Variants in ARL15 observed in about 807,000 individuals in gnomAD.
The protein encoded by ARL15 is ARF like GTPase 15.
ARL15 carries 19 observed loss-of-function variants against 25.2 expected under a neutral mutation model. The ratio of observed to expected loss-of-function variants is 0.75; its 90% CI spans 0.53 to 1.10. The LOEUF is 1.10. Ranked by LOEUF, ARL15 falls within the 50% of genes least tolerant of loss-of-function variation. ARL15 has a pLI of 0.00. For synonymous variants in ARL15, 94 were observed against 86.8 expected, an observed-to-expected ratio of 1.08 and a Z score of -0.46; for missense variants, 220 against 246.0, an observed-to-expected ratio of 0.89 and a Z score of 0.71.
intron 4 of ARL15, among the ~76,000 whole-genome samples, chr5:53,989,568 C>G (rs1442811176): frequency 2.4e-5 from 3 of 123,856 alleles, no homozygotes; most frequent in Non-Finnish European, 5.2e-5. Context: ...AAACCCTTAC[C>G]AGGGAGGGGT....
intron 1 of ARL15, among the ~76,000 whole-genome samples, chr5:54,231,451 T>G (rs1756668542): frequency 6.6e-6 from 1 of 152,140 alleles, no homozygotes; most frequent in Non-Finnish European, 1.5e-5. Context: ...CACTTCACCT[T>G]GAATAATCTT....
intron 1 of ARL15, among the ~76,000 whole-genome samples, chr5:54,278,714 C>T (rs1225882328): frequency 6.6e-6 from 1 of 152,152 alleles, no homozygotes; most frequent in East Asian, 1.9e-4. Flanking sequence ...TCTACCTATA[C>T]CTTAAGTTTC....
At chr5:54,150,493 C>T (rs755818613) in intron 3 of ARL15, among the ~76,000 whole-genome samples, 2 of 152,108 alleles carry the variant, frequency 1.3e-5, no homozygotes, top group Non-Finnish European at 2.9e-5. Flanking sequence ...GCAAGGTATT[C>T]ATGTTTTGTC....
intron 1 of ARL15, among the ~76,000 whole-genome samples, chr5:54,209,991 GA>G (rs1405488951): frequency 6.6e-6 from 1 of 152,068 alleles, no homozygotes; most frequent in Non-Finnish European, 1.5e-5. Context: ...GGAGTTCTTT[GA>G]AAAAGGAAGA....
chr5:54,018,781 T>G (rs1344148798), intron 4 of ARL15, among the ~76,000 whole-genome samples: 3 of 152,206 alleles, frequency 2.0e-5, no homozygotes, highest in Non-Finnish European at 4.4e-5. Flanking sequence ...CCTTCACAGC[T>G]AAACAAACCG....
chr5:54,287,490 G>C (rs16882585), intron 1 of ARL15, among the ~76,000 whole-genome samples: 2 of 150,466 alleles, frequency 1.3e-5, no homozygotes, highest in Non-Finnish European at 3.0e-5. Flanking sequence ...AGAAGAAAAC[G>C]GCATTCCAGA....
intron 4 of ARL15, among the ~76,000 whole-genome samples, chr5:53,892,677 A>T (rs1744758590): frequency 6.6e-6 from 1 of 151,038 alleles, no homozygotes; most frequent in Admixed American, 6.6e-5. Context: ...ATCATAGCTC[A>T]CTTCAGCCTT....
intron 1 of ARL15, among the ~76,000 whole-genome samples, chr5:54,222,672 C>T (rs944927281): frequency 3.3e-5 from 5 of 152,150 alleles, no homozygotes; most frequent in Admixed American, 3.3e-4. Context: ...ATTCCACTCT[C>T]GGGTTCTCTT....
chr5:54,046,087 A>G (rs971742400), intron 4 of ARL15, among the ~76,000 whole-genome samples: 3 of 152,254 alleles, frequency 2.0e-5, no homozygotes, highest in African/African-American at 7.2e-5. Flanking sequence ...ACTAAATTAT[A>G]TATTCTTATT....
intron 2 of ARL15, among the ~76,000 whole-genome samples, chr5:54,170,986 C>T (rs1419332323): frequency 1.3e-5 from 2 of 152,310 alleles, no homozygotes; most frequent in African/African-American, 4.8e-5. Flanking sequence ...CTATCTCTTA[C>T]AGCTGTTCTT....
intron 1 of ARL15, among the ~76,000 whole-genome samples, chr5:54,197,981 C>T (rs1755601756): frequency 6.6e-6 from 1 of 151,742 alleles, no homozygotes; most frequent in African/African-American, 2.4e-5. Flanking sequence ...GGATGCAAGG[C>T]TGGTTCAATA....
intron 4 of ARL15, among the ~76,000 whole-genome samples, chr5:54,065,095 G>A (rs1379496134): frequency 6.6e-6 from 1 of 152,160 alleles, no homozygotes; most frequent in Non-Finnish European, 1.5e-5. Context: ...GGATCTGTAA[G>A]CTATTTCTAG....
chr5:54,076,659 T>C (rs1751619474), intron 4 of ARL15, among the ~76,000 whole-genome samples: 1 of 152,160 alleles, frequency 6.6e-6, no homozygotes, highest in Admixed American at 6.5e-5. Context: ...AAAACTTACA[T>C]TTTTAGCTGA....
rs557771419 is a variant in ARL15, at chr5:53,902,587, T to C, written c.463-15874A>G. Among the ~76,000 whole-genome samples the C allele has an allele frequency of 1.7e-3, 259 of 152,328 alleles. 3 individuals carry two copies. In the South Asian group the frequency reaches 0.052, roughly 31 times the overall value. ...ATGGAACCCAAATAAACATGTTTAA[T>C]ATTGGCCTTGTGGTACTATGGCAGC... is the stretch of plus-strand genomic sequence containing the variant. On this transcript the variant is annotated intron_variant, in intron 4 of 4. Coordinates refer to ENST00000504924, the MANE Select transcript of ARL15 (RefSeq NM_019087.3).
At chr5:53,937,398 T>A (rs1442379881) in intron 4 of ARL15, among the ~76,000 whole-genome samples, 1 of 152,204 alleles carries the variant, frequency 6.6e-6, no homozygotes, top group Non-Finnish European at 1.5e-5. Context: ...ATAACTCTTA[T>A]GTCAGTAGTT....
rs193060075 is a variant in ARL15, at chr5:54,055,120, C to A, written c.462+58082G>T. 3.3e-4 allele frequency among the ~76,000 whole-genome samples: 51 copies of A among 152,240 alleles called. 1 individual carries two copies. In the East Asian group the frequency reaches 8.7e-3, roughly 26 times the overall value. The stretch of plus-strand genomic sequence containing the variant: ...ATATTTTTATCACACTACAAAGAAA[C>A]ATCATACTCATTGGCAGTCAAATCC... On this transcript the variant is annotated intron_variant, in intron 4 of 4. Transcript: ENST00000504924.
At chr5:54,010,415 T>A (rs939307396) in intron 4 of ARL15, among the ~76,000 whole-genome samples, 6 of 152,194 alleles carry the variant, frequency 3.9e-5, no homozygotes, top group Non-Finnish European at 5.9e-5. Context: ...CATTAGTATT[T>A]CCACTGGAAT....
chr5:53,944,594 AAAAC>A (rs907824885), intron 4 of ARL15, among the ~76,000 whole-genome samples: 7 of 152,220 alleles, frequency 4.6e-5, no homozygotes, highest in East Asian at 3.9e-4. Context: ...CCTGCCTCAA[AAAAC>A]AAACAAACAA....
chr5:53,933,225 C>A (rs1366591210), intron 4 of ARL15, among the ~76,000 whole-genome samples: 1 of 152,090 alleles, frequency 6.6e-6, no homozygotes, highest in African/African-American at 2.4e-5. Context: ...GGTAGAATTA[C>A]TCTCTAAGAG....
Sources: allele counts gnomAD v4.1 joint callset (sites outside exome capture counted in the v4.1 genomes callset), GRCh38; gene constraint gnomAD v4.1.1; transcripts MANE v1.5; gene names NCBI Gene and HGNC (gene_info 2026-07-23, HGNC 2026-07-21).